SH3GL2: variants seen among roughly 807,000 people sequenced by gnomAD.
SH3GL2 encodes SH3 domain containing GRB2 like 2, endophilin A1.
A neutral mutation model predicts 46.0 loss-of-function variants in SH3GL2; 24 were observed. The observed-to-expected ratio is 0.52, with a 90% confidence interval of 0.38 to 0.73. SH3GL2 has a LOEUF of 0.73. Ranked by LOEUF, SH3GL2 falls within the 30% of genes least tolerant of loss-of-function variation. SH3GL2 has a pLI of 0.00. For missense variants in SH3GL2, 413 were observed against 424.2 expected, an observed-to-expected ratio of 0.97 and a Z score of 0.23; for synonymous variants, 196 against 147.1, an observed-to-expected ratio of 1.33 and a Z score of -2.40.
In SH3GL2 at chr9:17,770,922, G is replaced by A. The variant is rs142648782; in HGVS notation, c.187+9413G>A. ...TTCTCCCCTCTCTGGCCTCCACATG[G>A]CAAAGCAGTCTGACTCTACATTGTT... On this transcript the variant is annotated intron_variant, in intron 3 of 8. Coordinates refer to ENST00000380607, the MANE Select transcript of SH3GL2 (RefSeq NM_003026.5). 2.6e-5 allele frequency among the ~76,000 whole-genome samples: 4 copies of A among 152,316 alleles called. No homozygotes were observed. In the East Asian group the frequency reaches 5.8e-4, roughly 22 times the overall value.
intron 1 of SH3GL2, among the ~76,000 whole-genome samples, chr9:17,647,721 AC>A (rs1458076664): frequency 6.6e-6 from 1 of 152,202 alleles, no homozygotes; most frequent in East Asian, 1.9e-4. Context: ...TAAATGATAC[AC>A]ATAAAGGATT....
intron 2 of SH3GL2, among the ~76,000 whole-genome samples, chr9:17,748,502 A>G (rs1305342538): frequency 6.6e-6 from 1 of 152,058 alleles, no homozygotes; most frequent in Non-Finnish European, 1.5e-5. Flanking sequence ...TGCTGTTTTT[A>G]CTATGTTTGC....
chr9:17,749,493 A>G (rs1055869817), intron 2 of SH3GL2, among the ~76,000 whole-genome samples: 3 of 152,126 alleles, frequency 2.0e-5, no homozygotes, highest in African/African-American at 4.8e-5. Context: ...CACGTGGCCA[A>G]TGTCATGTCA....
intron 1 of SH3GL2, among the ~76,000 whole-genome samples, chr9:17,608,762 A>G (rs552168756): frequency 6.6e-6 from 1 of 152,360 alleles, no homozygotes; most frequent in East Asian, 1.9e-4. Flanking sequence ...GAAGTTATGA[A>G]CCGGATTTGA....
intron 1 of SH3GL2, among the ~76,000 whole-genome samples, chr9:17,584,313 C>A (rs1818330845): frequency 6.6e-6 from 1 of 152,080 alleles, no homozygotes; most frequent in Admixed American, 6.5e-5. Flanking sequence ...CCGGCTTTGC[C>A]AGTGCAGTGA....
chr9:17,630,455 CACAA>C (rs1217454997), intron 1 of SH3GL2: 2 of 152,306 alleles, frequency 1.3e-5, no homozygotes, highest in South Asian at 2.1e-4. Flanking sequence ...TTGTGTTACA[CACAA>C]ACACACACCC....
chr9:17,680,761 G>T (rs147827502), intron 1 of SH3GL2, among the ~76,000 whole-genome samples: 1,562 of 152,006 alleles, frequency 0.01, 17 homozygotes, highest in Middle Eastern at 0.024. Flanking sequence ...TCTCTTGTGG[G>T]CATTTAGTGC....
At chr9:17,680,336 C>T in intron 1 of SH3GL2, among the ~76,000 whole-genome samples, 1 of 152,148 alleles carries the variant, frequency 6.6e-6, no homozygotes, top group Non-Finnish European at 1.5e-5. Context: ...AGGGATTCAA[C>T]TTCTTCCTGG....
chr9:17,731,998 G>A (rs569162352), intron 1 of SH3GL2, among the ~76,000 whole-genome samples: 1 of 152,240 alleles, frequency 6.6e-6, no homozygotes, highest in Non-Finnish European at 1.5e-5. Flanking sequence ...GGCAGAGGAG[G>A]AGATACTGTG....
rs1022437989 is a variant in SH3GL2 at position 17,793,554 on chromosome 9, C to A, written c.859+57C>A. The stretch of plus-strand genomic sequence containing the variant: ...AGCCCTTGGCATATCCATTGGCACT[C>A]TTCCAGAAATTTTAGGAATAGTCCA... On this transcript the variant is annotated intron_variant, in intron 8 of 8. Coordinates refer to ENST00000380607, the MANE Select transcript of SH3GL2 (RefSeq NM_003026.5). The A allele has an allele frequency of 3.8e-6, 6 of 1,558,970 alleles. No homozygotes were observed. In the Admixed American group the frequency reaches 9.9e-5, roughly 26 times the overall value.
intron 1 of SH3GL2, among the ~76,000 whole-genome samples, chr9:17,608,204 G>A (rs577111478): frequency 7.1e-6 from 1 of 141,120 alleles, no homozygotes; most frequent in South Asian, 2.3e-4. Flanking sequence ...CTGGAGTGCA[G>A]TGGCACAATC....
At chr9:17,715,735 CTATCA>C (rs57163064) in intron 1 of SH3GL2, among the ~76,000 whole-genome samples, 9,924 of 151,954 alleles carry the variant, frequency 0.065, 441 homozygotes, top group Admixed American at 0.12. Flanking sequence ...CCAGATAAAC[CTATCA>C]TAAGTTGAAA....
intron 3 of SH3GL2, among the ~76,000 whole-genome samples, chr9:17,780,157 T>A (rs1823762000): frequency 6.6e-6 from 1 of 152,182 alleles, no homozygotes; most frequent in African/African-American, 2.4e-5. Flanking sequence ...TGAACTATTA[T>A]AAACTTCTGT....
rs1822404108 is a variant in SH3GL2, at chr9:17,738,402, C to G, written c.46-8664C>G. 3.5e-5 allele frequency among the ~76,000 whole-genome samples: 5 copies of G among 142,202 alleles called. 1 individual carries two copies. The South Asian group carries it at 1.2e-3, about 33-fold the overall frequency. The allele number at this position is 142,202 out of a possible 152,430, so 93.3% of individuals were successfully genotyped here. ...TGTTGTACTATAAATAGTACTGCAG[C>G]AGGTAGAAATTGTAGCAGTTAGGGT... On this transcript the variant is annotated intron_variant, in intron 1 of 8. Transcript: ENST00000380607.
intron 1 of SH3GL2, among the ~76,000 whole-genome samples, chr9:17,705,985 TA>T (rs1201485179): frequency 6.6e-6 from 1 of 152,008 alleles, no homozygotes; most frequent in Non-Finnish European, 1.5e-5. Context: ...CAATTTGTTT[TA>T]AAAAATGTTT....
chr9:17,765,452 A>G (rs965028801), intron 3 of SH3GL2, among the ~76,000 whole-genome samples: 6 of 152,240 alleles, frequency 3.9e-5, no homozygotes, highest in Admixed American at 6.5e-5. Flanking sequence ...AGCTTTTAAG[A>G]ATACATGGCT....
chr9:17,761,557 A>G (rs907685812), intron 3 of SH3GL2, 48 bp downstream of exon 3: 1 of 1,124,276 alleles, frequency 8.9e-7, no homozygotes. Flanking sequence ...GGTAACTTTT[A>G]GTTTCTCTTT....
chr9:17,651,819 G>T (rs903404454), intron 1 of SH3GL2, among the ~76,000 whole-genome samples: 1 of 151,614 alleles, frequency 6.6e-6, no homozygotes, highest in African/African-American at 2.4e-5. Context: ...TTCTTATTTT[G>T]TCTGTTTTCT....
chr9:17,606,349 C>T (rs967369796), intron 1 of SH3GL2, among the ~76,000 whole-genome samples: 2 of 152,172 alleles, frequency 1.3e-5, no homozygotes, highest in Non-Finnish European at 2.9e-5. Flanking sequence ...CCTTGGCCTC[C>T]TAAAGTGCTG....
Sources: allele counts gnomAD v4.1 joint callset (sites outside exome capture counted in the v4.1 genomes callset), GRCh38; gene constraint gnomAD v4.1.1; transcripts MANE v1.5; gene names NCBI Gene and HGNC (gene_info 2026-07-23, HGNC 2026-07-21).